RASGRF2: variants seen among roughly 807,000 people sequenced by gnomAD.
The protein encoded by RASGRF2 is Ras protein specific guanine nucleotide releasing factor 2.
Under a neutral mutation model 151.0 loss-of-function variants are expected in RASGRF2, and 76 were observed. The observed-to-expected ratio is 0.50, with a 90% CI of 0.42 to 0.61. The LOEUF (loss-of-function observed/expected upper bound fraction) is 0.61, where lower values mean the gene tolerates loss of function less well. Among genes scored for constraint, RASGRF2 ranks in the 20% least tolerant of loss-of-function variants. The pLI is 0.00. For synonymous variants in RASGRF2, 504 were observed against 566.5 expected, an observed-to-expected ratio of 0.89 and a Z score of 1.57; for missense variants, 1,148 against 1,564.6, an observed-to-expected ratio of 0.73 and a Z score of 4.49.
At chr5:80,994,314 C>T (rs546125760) in intron 1 of RASGRF2, among the ~76,000 whole-genome samples, 15 of 144,716 alleles carry the variant, frequency 1.0e-4, no homozygotes, top group South Asian at 8.7e-4. Context: ...TGCAGTGAGC[C>T]GAGATTGCAC....
chr5:81,212,503 G>A lies in RASGRF2; in HGVS notation c.3294G>A (p.Ser1098=), dbSNP rs79755799. Residue 1098 remains serine (S), a synonymous_variant, in exon 23 of 27, where the codon TCG becomes TCA. Transcript: ENST00000265080. The part of the protein sequence containing the change: ...HNYNGVLEIT[S]ALNRSAIYRL... ...ACAACGGCGTGCTGGAGATCACCTC[G>A]GCCTTAAACAGAAGTGCCATCTACA... 4,417 of 1,613,402 alleles carry A rather than the reference G, an allele frequency of 2.7e-3. 70 individuals are homozygous for A. In the East Asian group the frequency reaches 0.041, roughly 15 times the overall value.
chr5:81,167,765 A>T (rs942757520), intron 17 of RASGRF2, among the ~76,000 whole-genome samples: 2 of 152,124 alleles, frequency 1.3e-5, no homozygotes, highest in Non-Finnish European at 2.9e-5. Flanking sequence ...AAAGGTGGGG[A>T]GTAGGAGCAA....
intron 2 of RASGRF2, among the ~76,000 whole-genome samples, chr5:81,049,796 A>G (rs749066375): frequency 2.0e-5 from 3 of 152,172 alleles, no homozygotes; most frequent in African/African-American, 2.4e-5. Context: ...TAGAGCTGGA[A>G]TCAAGTCCTG....
chr5:81,059,944 G>T (rs1281467141), intron 2 of RASGRF2, among the ~76,000 whole-genome samples: 1 of 152,202 alleles, frequency 6.6e-6, no homozygotes. Flanking sequence ...TACAAGCATG[G>T]CACTGGCATC....
intron 7 of RASGRF2, among the ~76,000 whole-genome samples, chr5:81,081,689 A>G (rs1372033981): frequency 6.6e-6 from 1 of 152,096 alleles, no homozygotes; most frequent in Non-Finnish European, 1.5e-5. Flanking sequence ...GGCATCTCTG[A>G]CCCTGGCTAA....
intron 12 of RASGRF2, among the ~76,000 whole-genome samples, chr5:81,105,142 G>T (rs1464026574): frequency 2.0e-5 from 3 of 152,072 alleles, no homozygotes; most frequent in African/African-American, 7.2e-5. Context: ...CCTGATTGTG[G>T]GTATCCTGTA....
chr5:81,094,954 C>G lies in RASGRF2; in HGVS notation c.1717C>G (p.Arg573Gly), dbSNP rs763978778. ...AFTVVLLAPS[R>G]QEKAAWMSDI... ...CACTGTTGTCTTGTTAGCACCCTCA[C>G]GCCAGGAGAAAGCTGCCTGGATGAG... Residue 573 changes from arginine (R) to glycine (G), a missense_variant, in exon 12 of 27, where the codon CGC (arginine) becomes GGC (glycine). This residue lies in a region of RASGRF2 where 646 missense variants were observed against 807.4 expected (regional missense o/e 0.80). Transcript: ENST00000265080. 5.0e-6 allele frequency: 8 copies of G among 1,585,724 alleles called. No individual in the cohort carries two copies. The South Asian group carries it at 5.8e-5, about 11-fold the overall frequency.
intron 2 of RASGRF2, among the ~76,000 whole-genome samples, chr5:81,055,642 C>T (rs529016632): frequency 6.6e-6 from 1 of 152,308 alleles, no homozygotes; most frequent in East Asian, 1.9e-4. Context: ...ACGCTGGCAT[C>T]ATAAAATGAG....
intron 2 of RASGRF2, among the ~76,000 whole-genome samples, chr5:81,060,260 G>A (rs1217819329): frequency 1.3e-5 from 2 of 152,136 alleles, no homozygotes; most frequent in Non-Finnish European, 2.9e-5. Context: ...TCCCCTTGAG[G>A]AAACTCACCA....
chr5:81,182,186 G>C (rs905598821), intron 18 of RASGRF2, among the ~76,000 whole-genome samples: 3 of 152,150 alleles, frequency 2.0e-5, no homozygotes, highest in African/African-American at 7.2e-5. Flanking sequence ...CCCTCCAGCA[G>C]GGGCATAGGT....
intron 1 of RASGRF2, among the ~76,000 whole-genome samples, chr5:81,013,210 GTTTT>G (rs1049144387): frequency 2.0e-5 from 3 of 152,200 alleles, no homozygotes; most frequent in African/African-American, 7.2e-5. Context: ...TCTTTGATCA[GTTTT>G]TCAGTCTTCC....
chr5:80,998,951 C>T (rs986384654), intron 1 of RASGRF2, among the ~76,000 whole-genome samples: 5 of 152,146 alleles, frequency 3.3e-5, no homozygotes, highest in African/African-American at 1.2e-4. Context: ...TGGCCTTTTC[C>T]ACTTGGGTAA....
intron 17 of RASGRF2, among the ~76,000 whole-genome samples, chr5:81,155,509 C>A (rs1177157330): frequency 6.6e-6 from 1 of 152,104 alleles, no homozygotes; most frequent in Non-Finnish European, 1.5e-5. Context: ...GGGATGAAAG[C>A]AGAAACATCA....
At chr5:81,128,879 C>T (rs1338194921) in intron 17 of RASGRF2, among the ~76,000 whole-genome samples, 1 of 152,110 alleles carries the variant, frequency 6.6e-6, no homozygotes, top group Non-Finnish European at 1.5e-5. Context: ...TGGCTTACAC[C>T]TGTAATCCTA....
intron 1 of RASGRF2, among the ~76,000 whole-genome samples, chr5:81,003,486 G>A (rs527243119): frequency 6.6e-6 from 1 of 152,206 alleles, no homozygotes; most frequent in South Asian, 2.1e-4. Context: ...GCCTCCCAAA[G>A]TGCTGGGATT....
intron 15 of RASGRF2, among the ~76,000 whole-genome samples, chr5:81,121,432 T>C (rs932952028): frequency 3.3e-5 from 5 of 152,228 alleles, no homozygotes; most frequent in African/African-American, 7.2e-5. Context: ...GGCATGTTTT[T>C]TGAAAAGTGC....
intron 15 of RASGRF2, among the ~76,000 whole-genome samples, chr5:81,122,808 A>C (rs4704701): frequency 3.3e-5 from 5 of 152,192 alleles, no homozygotes; most frequent in Non-Finnish European, 5.9e-5. Context: ...TGGGAGGGGC[A>C]TAGAAACATC....
At chr5:81,137,767 C>G (rs925850763) in intron 17 of RASGRF2, among the ~76,000 whole-genome samples, 2 of 152,220 alleles carry the variant, frequency 1.3e-5, no homozygotes, top group Non-Finnish European at 2.9e-5. Flanking sequence ...CTAGTCGCCA[C>G]AGCTATGAGA....
intron 12 of RASGRF2, among the ~76,000 whole-genome samples, chr5:81,104,558 T>C (rs1332287110): frequency 6.6e-6 from 1 of 152,194 alleles, no homozygotes; most frequent in Non-Finnish European, 1.5e-5. Context: ...TTTCATGGTT[T>C]TTCAAGTTAA....
Sources: allele counts gnomAD v4.1 joint callset (sites outside exome capture counted in the v4.1 genomes callset), GRCh38; gene constraint gnomAD v4.1.1; regional missense constraint gnomAD v4.1.1; transcripts MANE v1.5; gene names NCBI Gene and HGNC (gene_info 2026-07-23, HGNC 2026-07-21).